OSBPL3: variants seen among roughly 807,000 people sequenced by gnomAD.
OSBPL3 encodes the protein oxysterol-binding protein-related protein 3.
In OSBPL3, 65 loss-of-function variants were observed where a neutral mutation model predicts 120.1. The ratio of observed to expected loss-of-function variants is 0.54; its 90% CI spans 0.44 to 0.67. OSBPL3 has a LOEUF of 0.67. OSBPL3 is among the 30% of genes least tolerant of loss of function. OSBPL3 has a pLI of 0.00. For synonymous variants in OSBPL3, 416 were observed against 402.6 expected (o/e 1.03, Z -0.40); for missense variants, 1,004 against 1,082.1 (o/e 0.93, Z 1.01).
rs937120757 is a variant in OSBPL3, at chr7:24,932,690, T to C, written c.-149-40069A>G. Among the ~76,000 whole-genome samples the C allele has an allele frequency of 8.5e-5, 13 of 152,178 alleles. No homozygotes were observed. Among genetic ancestry groups the C allele is most frequent in the African/African-American group, 2.4e-4 (10 of 41,448 alleles). On this transcript the variant is annotated intron_variant, in intron 1 of 22. Transcript: ENST00000313367. This position sits in a 1 kb window ranked among gnomAD's most constrained non-coding sequence, Gnocchi z 5.6. The stretch of plus-strand genomic sequence containing the variant: ...ACCAAATCCAATAGTACTTCGATCT[T>C]GCATTTTCCAGCCTCCAGAACTACG...
At chr7:24,921,243 C>T (rs1425897398) in intron 1 of OSBPL3, among the ~76,000 whole-genome samples, 2 of 152,046 alleles carry the variant, frequency 1.3e-5, no homozygotes, top group East Asian at 1.9e-4. Flanking sequence ...AGAAATACCA[C>T]GATGTAGGCT....
rs1808943115 is a variant in OSBPL3 at position 24,912,353 on chromosome 7, T to A, written c.-149-19732A>T. The stretch of plus-strand genomic sequence containing the variant: ...TGTTAAAACTCTAAGCTGGATTCCA[T>A]CAAATTAATTTTAAAAATCAAATTC... On this transcript the variant is annotated intron_variant, in intron 1 of 22. Coordinates refer to ENST00000313367, the MANE Select transcript of OSBPL3 (RefSeq NM_015550.4). The surrounding 1 kb of genome is among the most constrained non-coding windows in gnomAD (Gnocchi z 4.5). 6.6e-6 allele frequency among the ~76,000 whole-genome samples: 1 copy of A among 152,210 alleles called. No homozygotes were observed. The highest frequency in any genetic ancestry group is 6.5e-5 in the Admixed American group (1 of 15,284).
rs1168182918 is a variant in OSBPL3 at position 24,827,230 on chromosome 7, G to A, written c.1884+3538C>T. Among the ~76,000 whole-genome samples the A allele has an allele frequency of 6.6e-6, 1 of 152,236 alleles. No individual in the cohort carries two copies. The highest frequency in any genetic ancestry group is 1.5e-5 in the Non-Finnish European group (1 of 68,042). On this transcript the variant is annotated intron_variant, in intron 16 of 22. Coordinates refer to ENST00000313367, the MANE Select transcript of OSBPL3 (RefSeq NM_015550.4). This position sits in a 1 kb window ranked among gnomAD's most constrained non-coding sequence, Gnocchi z 5.1. Reference sequence around the variant, plus strand: ...TATCAATGACACATAATGGACAAGGGCGGAGTCATGCTGTCTCCATCAAGG... The same window carrying A: ...TATCAATGACACATAATGGACAAGGACGGAGTCATGCTGTCTCCATCAAGG...
In OSBPL3 at chr7:24,821,220, G is replaced by A. The variant is rs2128142145; in HGVS notation, c.1885-982C>T. On this transcript the variant is annotated intron_variant, in intron 16 of 22. Coordinates refer to ENST00000313367, the MANE Select transcript of OSBPL3 (RefSeq NM_015550.4). The surrounding 1 kb of genome is among the most constrained non-coding windows in gnomAD (Gnocchi z 5.5). Reference sequence around the variant, plus strand: ...TCAAAGCCTGCACCTTATAAACGAAGAGACTGAAACCAGAAAGATAAAGTA... The same window carrying A: ...TCAAAGCCTGCACCTTATAAACGAAAAGACTGAAACCAGAAAGATAAAGTA... 6.6e-6 allele frequency among the ~76,000 whole-genome samples: 1 copy of A among 152,330 alleles called. No homozygotes were observed. The highest frequency in any genetic ancestry group is 1.9e-4 in the East Asian group (1 of 5,196).
At position 24,921,985 on chromosome 7, in the gene OSBPL3, A is replaced by C. The variant is rs537429025; in HGVS notation, c.-149-29364T>G. ...CAACATCTATGATCAATACAGATTC[A>C]ATTTTTCACCACCTTTATGTCTCAC... On this transcript the variant is annotated intron_variant, in intron 1 of 22. Transcript: ENST00000313367. Among the ~76,000 whole-genome samples the C allele has an allele frequency of 2.0e-5, 3 of 152,346 alleles. No individual in the cohort carries two copies. In the South Asian group the frequency reaches 6.2e-4, roughly 32 times the overall value.
At chr7:24,976,275 GT>G (rs1471571858) in intron 1 of OSBPL3, among the ~76,000 whole-genome samples, 3 of 152,272 alleles carry the variant, frequency 2.0e-5, no homozygotes, top group Admixed American at 2.0e-4. Context: ...TATTACTACT[GT>G]TATTAATGTT....
At chr7:24,841,776 C>G (rs1797803378) in intron 13 of OSBPL3, among the ~76,000 whole-genome samples, 1 of 148,372 alleles carries the variant, frequency 6.7e-6, no homozygotes, top group South Asian at 2.1e-4. Context: ...GTGGCTGAGG[C>G]AGGCGGATCA....
chr7:24,839,340 G>A (rs890585936), intron 14 of OSBPL3, among the ~76,000 whole-genome samples: 5 of 152,150 alleles, frequency 3.3e-5, no homozygotes, highest in African/African-American at 1.2e-4. Flanking sequence ...TCCTAAACAG[G>A]CCAGTCTGCT....
Position 24,912,729 on chromosome 7 carries a change from G to A in OSBPL3, c.-149-20108C>T, listed in dbSNP as rs1271958013. Among the ~76,000 whole-genome samples, 4 of 152,272 alleles carry A rather than the reference G, an allele frequency of 2.6e-5. No individual in the cohort carries two copies. The highest frequency in any genetic ancestry group is 4.8e-5 in the African/African-American group (2 of 41,556). The stretch of plus-strand genomic sequence containing the variant: ...TGTGGAAGATGTATTTTTCAAAGAC[G>A]ACCATACCAATGTACATCCCATCCC... On this transcript the variant is annotated intron_variant, in intron 1 of 22. Transcript: ENST00000313367. This position sits in a 1 kb window ranked among gnomAD's most constrained non-coding sequence, Gnocchi z 4.5.
Position 24,940,851 on chromosome 7 carries a change from G to A in OSBPL3, c.-150+39035C>T, listed in dbSNP as rs1376546095. 1.4e-5 allele frequency among the ~76,000 whole-genome samples: 2 copies of A among 142,990 alleles called. No homozygotes were observed. The highest frequency in any genetic ancestry group is 3.0e-5 in the Non-Finnish European group (2 of 66,734). 93.8% of individuals were successfully genotyped at this position (142,990 alleles called of 152,430 possible). On this transcript the variant is annotated intron_variant, in intron 1 of 22. Transcript: ENST00000313367. The surrounding 1 kb of genome is among the most constrained non-coding windows in gnomAD (Gnocchi z 4.4). Reference sequence around the variant, plus strand: ...TTTTGTGTGTGTGTGACGGAGTCTCGCTCTGTCGCCCAGGCTGGAGTGCAC... The same window carrying A: ...TTTTGTGTGTGTGTGACGGAGTCTCACTCTGTCGCCCAGGCTGGAGTGCAC...
chr7:24,885,430 C>G (rs1804368621), intron 2 of OSBPL3, among the ~76,000 whole-genome samples: 1 of 151,998 alleles, frequency 6.6e-6, no homozygotes, highest in Non-Finnish European at 1.5e-5. Context: ...AATCTAATAC[C>G]CTGCATAAAT....
rs138666780 is a variant in OSBPL3, at chr7:24,849,105, G to T, written c.1230C>A (p.Ser410=). 618 of 1,613,886 alleles carry T rather than the reference G, an allele frequency of 3.8e-4. 2 individuals carry two copies. Among genetic ancestry groups the T allele is most frequent in the Non-Finnish European group, 5.0e-4 (594 of 1,179,884 alleles). Residue 410 remains serine, a synonymous_variant, in exon 12 of 23, where the codon TCC becomes TCA. Transcript: ENST00000313367. The surrounding 1 kb of genome is among the most constrained non-coding windows in gnomAD (Gnocchi z 5.4). ...RIHAESLLLD[S]PAVAKSGDNL... is the part of the protein sequence containing the mutation. ...TGTCACCCGACTTGGCGACAGCGGG[G>T]GAGTCGAGGAGCAGAGACTCGGCAT... is the stretch of plus-strand genomic sequence containing the variant.
chr7:24,979,930 G>T lies in OSBPL3; in HGVS notation c.-194C>A, dbSNP rs943915114. The T allele has an allele frequency of 1.0e-6, 1 of 973,082 alleles. No homozygotes were observed. Among genetic ancestry groups the T allele is most frequent in the African/African-American group, 1.8e-5 (1 of 55,242 alleles). 60.3% of individuals were successfully genotyped at this position (973,082 alleles called of 1,614,324 possible). A position where few individuals can be genotyped will look rare whatever the true frequency, so the allele number is the denominator to read the frequency against. On this transcript the variant is annotated 5_prime_UTR_variant, in exon 1 of 23. Transcript: ENST00000313367. The stretch of plus-strand genomic sequence containing the variant: ...AGACGCTCCCTAGTTCCCCGGGGCC[G>T]GGCTCCGGGGTTAGCGCACAGAACC...
rs1554404702 is a variant in OSBPL3, at chr7:24,916,918, A to ACT, written c.-149-24298_-149-24297insAG. Among the ~76,000 whole-genome samples, 2 of 145,594 alleles carry ACT rather than the reference A, an allele frequency of 1.4e-5. No individual in the cohort carries two copies. Among genetic ancestry groups the ACT allele is most frequent in the Non-Finnish European group, 3.0e-5 (2 of 65,854 alleles). On this transcript the variant is annotated intron_variant, in intron 1 of 22. Transcript: ENST00000313367. The surrounding 1 kb of genome is among the most constrained non-coding windows in gnomAD (Gnocchi z 4.9). ...AGCCACTAAGACGTCTTCCATTTCC[A>ACT]CCCCCCCCAACCTTTTTAGAAAATT...
At position 24,899,218 on chromosome 7, in the gene OSBPL3, A is replaced by G. The variant is rs951371552; in HGVS notation, c.-149-6597T>C. Among the ~76,000 whole-genome samples the G allele has an allele frequency of 1.3e-5, 2 of 152,220 alleles. No individual in the cohort carries two copies. Among genetic ancestry groups the G allele is most frequent in the Non-Finnish European group, 2.9e-5 (2 of 68,026 alleles). Reference sequence around the variant, plus strand: ...CTAACAGTGATGCCCAGATTTAAAGACAAGCTCTAGGTGTGGTCTGGACAG... The same window carrying G: ...CTAACAGTGATGCCCAGATTTAAAGGCAAGCTCTAGGTGTGGTCTGGACAG... On this transcript the variant is annotated intron_variant, in intron 1 of 22. Transcript: ENST00000313367. This position sits in a 1 kb window ranked among gnomAD's most constrained non-coding sequence, Gnocchi z 4.0.
At chr7:24,914,662 T>C (rs903798560) in intron 1 of OSBPL3, among the ~76,000 whole-genome samples, 3 of 152,150 alleles carry the variant, frequency 2.0e-5, no homozygotes, top group East Asian at 1.9e-4. Context: ...CAAAGTAAGA[T>C]GGCCAAAACT....
In OSBPL3 at chr7:24,806,434, A is replaced by G. The variant is rs1040889029; in HGVS notation, c.2444+342T>C. Among the ~76,000 whole-genome samples the G allele has an allele frequency of 2.6e-5, 4 of 152,072 alleles. No individual in the cohort carries two copies. The highest frequency in any genetic ancestry group is 9.7e-5 in the African/African-American group (4 of 41,338). The stretch of plus-strand genomic sequence containing the variant: ...TCAGCAGTTAGATCTCAGTGCACCA[A>G]AATCATTTAAATTTGAGGGCTCGGG... On this transcript the variant is annotated intron_variant, in intron 21 of 22. Transcript: ENST00000313367. This position sits in a 1 kb window ranked among gnomAD's most constrained non-coding sequence, Gnocchi z 5.2.
chr7:24,936,405 G>A lies in OSBPL3; in HGVS notation c.-150+43481C>T, dbSNP rs1812429473. Among the ~76,000 whole-genome samples the A allele has an allele frequency of 6.6e-6, 1 of 152,130 alleles. No individual in the cohort carries two copies. The highest frequency in any genetic ancestry group is 1.5e-5 in the Non-Finnish European group (1 of 68,038). ...TTCTCCAAGACCTCAACATGCACAA[G>A]ACAAAGATCTTGCTCTTAACAAGGT... On this transcript the variant is annotated intron_variant, in intron 1 of 22. Transcript: ENST00000313367. The surrounding 1 kb of genome is among the most constrained non-coding windows in gnomAD (Gnocchi z 4.2).
chr7:24,924,045 A>G (rs1810734860), intron 1 of OSBPL3, among the ~76,000 whole-genome samples: 1 of 152,246 alleles, frequency 6.6e-6, no homozygotes, highest in Middle Eastern at 3.2e-3. Flanking sequence ...AAAATTCTAT[A>G]AAATATTGAT....
Sources: allele counts gnomAD v4.1 joint callset (sites outside exome capture counted in the v4.1 genomes callset), GRCh38; gene constraint gnomAD v4.1.1; non-coding constraint Gnocchi (gnomAD v3.1); transcripts MANE v1.5; gene names NCBI Gene and HGNC (gene_info 2026-07-23, HGNC 2026-07-21).